The following GRM7 variants were observed in gnomAD, a reference collection of about 807,000 sequenced individuals.
GRM7 encodes the protein glutamate metabotropic receptor 7.
A neutral mutation model predicts 84.5 loss-of-function variants in GRM7; 35 were observed. That is an observed-to-expected ratio of 0.41 (90% confidence interval 0.32 to 0.55). The LOEUF is 0.55. Ranked by LOEUF, GRM7 falls within the 20% of genes least tolerant of loss-of-function variation. The pLI, the probability that GRM7 is intolerant of heterozygous loss-of-function variation, is 0.19. For synonymous variants in GRM7, 487 were observed against 455.1 expected (o/e 1.07, Z -0.89); for missense variants, 1,003 against 1,194.6 (o/e 0.84, Z 2.36).
At chr3:6,873,072 C>G (rs1695182383) in intron 1 of GRM7, among the ~76,000 whole-genome samples, 2 of 152,246 alleles carry the variant, frequency 1.3e-5, no homozygotes, top group South Asian at 2.1e-4. Context: ...AATTTTCACT[C>G]CCACCAACAT....
intron 1 of GRM7, among the ~76,000 whole-genome samples, chr3:6,966,700 A>G (rs1232816136): frequency 2.0e-5 from 3 of 152,200 alleles, no homozygotes; most frequent in Admixed American, 6.5e-5. Context: ...AAATAGGTCA[A>G]AGAGGATGGT....
intron 8 of GRM7, among the ~76,000 whole-genome samples, chr3:7,679,228 G>A (rs553400106): frequency 1.3e-5 from 2 of 152,276 alleles, no homozygotes; most frequent in African/African-American, 4.8e-5. Context: ...GAAAAGTTCT[G>A]TGATTGAATG....
chr3:7,512,000 C>T (rs959232033), intron 7 of GRM7, among the ~76,000 whole-genome samples: 1 of 151,920 alleles, frequency 6.6e-6, no homozygotes, highest in Non-Finnish European at 1.5e-5. Flanking sequence ...AAAATATTAG[C>T]CAGTCATGGT....
intron 1 of GRM7, among the ~76,000 whole-genome samples, chr3:7,067,745 C>T (rs1697719627): frequency 6.6e-6 from 1 of 151,850 alleles, no homozygotes; most frequent in Admixed American, 6.6e-5. Context: ...GTCATCCTGA[C>T]TTGAATAAGG....
chr3:7,391,021 G>T (rs1174669742), intron 4 of GRM7, among the ~76,000 whole-genome samples: 1 of 151,938 alleles, frequency 6.6e-6, no homozygotes, highest in Non-Finnish European at 1.5e-5. Context: ...CTATCATTTG[G>T]ATGTGGCTTC....
chr3:7,299,000 C>T (rs1160565230), intron 3 of GRM7, among the ~76,000 whole-genome samples, 175 bp downstream of exon 3: 2 of 152,026 alleles, frequency 1.3e-5, no homozygotes, highest in African/African-American at 2.4e-5. Context: ...GTTATGGTCA[C>T]GTGTTTTCCC....
intron 2 of GRM7, among the ~76,000 whole-genome samples, chr3:7,235,905 C>T (rs1697332659): frequency 6.6e-6 from 1 of 152,134 alleles, no homozygotes; most frequent in Non-Finnish European, 1.5e-5. Context: ...TTAGTTTGTG[C>T]CTGCTGCTAT....
At chr3:7,339,286 A>G (rs1701545127) in intron 4 of GRM7, among the ~76,000 whole-genome samples, 1 of 152,060 alleles carries the variant, frequency 6.6e-6, no homozygotes, top group South Asian at 2.1e-4. Flanking sequence ...AAAAACCAAG[A>G]CAGTAGGTGC....
intron 4 of GRM7, among the ~76,000 whole-genome samples, chr3:7,308,554 G>A (rs1194116783): frequency 1.3e-5 from 2 of 152,136 alleles, no homozygotes; most frequent in Non-Finnish European, 2.9e-5. Context: ...TTTGAAAGTG[G>A]GCCAGAAGTT....
At chr3:7,610,017 C>A (rs1197283747) in intron 8 of GRM7, among the ~76,000 whole-genome samples, 1 of 151,990 alleles carries the variant, frequency 6.6e-6, no homozygotes, top group Non-Finnish European at 1.5e-5. Context: ...GACTTGAGTG[C>A]CTTCCTATGC....
intron 9 of GRM7, chr3:7,694,541 T>C (rs1396253153): frequency 5.3e-6 from 1 of 187,096 alleles, no homozygotes; most frequent in Non-Finnish European, 1.0e-5. Flanking sequence ...TCCTGTCTTG[T>C]CTTCAACCTA....
At chr3:6,890,360 A>G (rs1350969372) in intron 1 of GRM7, among the ~76,000 whole-genome samples, 1 of 151,990 alleles carries the variant, frequency 6.6e-6, no homozygotes, top group South Asian at 2.1e-4. Flanking sequence ...CTTTCTCTTG[A>G]GGGCATTTAA....
At chr3:7,358,392 A>G (rs1350956882) in intron 4 of GRM7, among the ~76,000 whole-genome samples, 7 of 149,936 alleles carry the variant, frequency 4.7e-5, no homozygotes, top group South Asian at 4.2e-4. Flanking sequence ...ACAAATAACA[A>G]ACATTCATAA....
chr3:7,569,728 A>T (rs1053384215), intron 7 of GRM7, among the ~76,000 whole-genome samples: 1 of 152,104 alleles, frequency 6.6e-6, no homozygotes, highest in African/African-American at 2.4e-5. Context: ...AACCCACCAG[A>T]GGAAGGAACA....
intron 2 of GRM7, among the ~76,000 whole-genome samples, chr3:7,264,482 T>G (rs1048861333): frequency 6.6e-6 from 1 of 152,100 alleles, no homozygotes; most frequent in Non-Finnish European, 1.5e-5. Flanking sequence ...GCTCCTTGCC[T>G]GTTCAACTCA....
intron 5 of GRM7, among the ~76,000 whole-genome samples, chr3:7,431,303 C>A (rs946289059): frequency 2.0e-5 from 3 of 152,056 alleles, no homozygotes; most frequent in Non-Finnish European, 2.9e-5. Flanking sequence ...GTGAAAGAAT[C>A]CAGACCCCCA....
At chr3:7,677,158 A>C (rs1367317568) in intron 8 of GRM7, among the ~76,000 whole-genome samples, 1 of 150,712 alleles carries the variant, frequency 6.6e-6, no homozygotes, top group Non-Finnish European at 1.5e-5. Context: ...GCTACTCAGC[A>C]GACTGAGGCA....
chr3:7,589,873 C>T (rs1695696201), intron 8 of GRM7, among the ~76,000 whole-genome samples: 1 of 152,136 alleles, frequency 6.6e-6, no homozygotes, highest in African/African-American at 2.4e-5. Context: ...TGCCTGTGTG[C>T]TCCCATTCAG....
At chr3:7,321,789 C>G (rs9840575) in intron 4 of GRM7, among the ~76,000 whole-genome samples, 10,004 of 152,020 alleles carry the variant, frequency 0.066, 874 homozygotes, top group African/African-American at 0.2. Flanking sequence ...CTACATAAGC[C>G]AAGTGAAGCA....
Sources: gnomAD v4.1 joint callset for allele counts (sites outside exome capture counted in the v4.1 genomes callset) on GRCh38, gnomAD v4.1.1 for gene constraint, MANE v1.5 for transcripts, NCBI Gene and HGNC (gene_info 2026-07-23, HGNC 2026-07-21) for gene names.